DCAF5: variants seen among roughly 807,000 people sequenced by gnomAD.
DCAF5 encodes DDB1 and CUL4 associated factor 5.
DCAF5 carries 9 observed loss-of-function variants against 80.7 expected under a neutral mutation model. The ratio of observed to expected loss-of-function variants is 0.11; its 90% CI spans 0.07 to 0.19. The LOEUF is 0.19. Among genes scored for constraint, DCAF5 ranks in the 10% least tolerant of loss-of-function variants. The pLI, the probability that DCAF5 is intolerant of heterozygous loss-of-function variation, is 1.00. For missense variants in DCAF5, 842 were observed against 1,205.7 expected, an observed-to-expected ratio of 0.70 and a Z score of 4.47; for synonymous variants, 433 against 461.9, an observed-to-expected ratio of 0.94 and a Z score of 0.80.
intron 6 of DCAF5, among the ~76,000 whole-genome samples, chr14:69,080,185 C>T (rs886942665): frequency 3.3e-5 from 5 of 151,936 alleles, no homozygotes; most frequent in African/African-American, 7.3e-5. Context: ...CATTTACTAT[C>T]ATAAGAGCAG....
rs150715754 is a variant in DCAF5 at position 69,118,721 on chromosome 14, A to C, written c.396-443T>G. The stretch of plus-strand genomic sequence containing the variant: ...CATGGCTCTGAGGCCAGATAGCCTA[A>C]GTTCAGGTTTTAGTACCACCTGACC... On this transcript the variant is annotated intron_variant, in intron 3 of 8. Coordinates refer to ENST00000341516, the MANE Select transcript of DCAF5 (RefSeq NM_003861.3). The surrounding 1 kb of genome is among the most constrained non-coding windows in gnomAD (Gnocchi z 4.0). 2.0e-5 allele frequency among the ~76,000 whole-genome samples: 3 copies of C among 152,352 alleles called. No homozygotes were observed. Among genetic ancestry groups the C allele is most frequent in the Non-Finnish European group, 4.4e-5 (3 of 68,038 alleles).
At chr14:69,084,015 C>A (rs1247323246) in intron 6 of DCAF5, 2 of 781,186 alleles carry the variant, frequency 2.6e-6, no homozygotes, top group Non-Finnish European at 4.8e-6. Context: ...TATCAGACCA[C>A]CTCTGGAAGG....
chr14:69,109,507 G>A (rs2040280199), intron 5 of DCAF5, among the ~76,000 whole-genome samples: 1 of 151,994 alleles, frequency 6.6e-6, no homozygotes, highest in East Asian at 1.9e-4. Context: ...TTACCCAGAG[G>A]TAACCACTAT....
intron 1 of DCAF5, among the ~76,000 whole-genome samples, chr14:69,128,527 G>C (rs1426733832): frequency 2.0e-5 from 3 of 151,826 alleles, no homozygotes; most frequent in Non-Finnish European, 4.4e-5. Context: ...GTTCATGATA[G>C]AAAAAGAAAA....
chr14:69,084,561 C>G (rs1387115638), intron 6 of DCAF5: 1 of 759,154 alleles, frequency 1.3e-6, no homozygotes, highest in Non-Finnish European at 2.3e-6. Context: ...AAAGCTAATG[C>G]AACAGTGGAT....
chr14:69,079,122 T>C (rs900139862), intron 6 of DCAF5, among the ~76,000 whole-genome samples: 1 of 152,170 alleles, frequency 6.6e-6, no homozygotes, highest in Non-Finnish European at 1.5e-5. Context: ...AAAAGTAATA[T>C]TTAAGAAGAG....
At position 69,053,574 on chromosome 14, in the gene DCAF5, C is replaced by T; in HGVS notation, c.*283G>A. 2.8e-6 allele frequency: 1 copy of T among 354,760 alleles called. No individual in the cohort carries two copies. The highest frequency in any genetic ancestry group is 5.1e-6 in the Non-Finnish European group (1 of 196,250). The allele number at this position is 354,760 out of a possible 1,614,324, so 22.0% of individuals were successfully genotyped here. ...CGAACGTCTCAACAAAGATTTACTT[C>T]CACAGAGCCTTGCGCGGCACACTAC... On this transcript the variant is annotated 3_prime_UTR_variant, in exon 9 of 9. Transcript: ENST00000341516.
chr14:69,099,117 T>C (rs901635959), intron 5 of DCAF5, among the ~76,000 whole-genome samples: 2 of 151,704 alleles, frequency 1.3e-5, no homozygotes, highest in Non-Finnish European at 2.9e-5. Flanking sequence ...CTGGGCATGG[T>C]GGTCCACACC....
At chr14:69,116,695 C>T (rs1595028646) in intron 4 of DCAF5, among the ~76,000 whole-genome samples, 200 bp from the exon 5 acceptor site, 2 of 152,018 alleles carry the variant, frequency 1.3e-5, no homozygotes, top group East Asian at 3.9e-4. Flanking sequence ...AAGGTAAACA[C>T]ATTTAACCAC....
chr14:69,111,855 C>T lies in DCAF5; in HGVS notation c.665+4511G>A, dbSNP rs2040379715. 3.3e-5 allele frequency among the ~76,000 whole-genome samples: 5 copies of T among 152,296 alleles called. No homozygotes were observed. In the South Asian group the frequency reaches 1.0e-3, roughly 32 times the overall value. ...TCCAGTCACCTACACTCAAGCCTCT[C>T]CTCCCCAGTGACCACTCATCACCAC... On this transcript the variant is annotated intron_variant, in intron 5 of 8. Transcript: ENST00000341516.
At position 69,053,895 on chromosome 14, in the gene DCAF5, A is replaced by C; in HGVS notation, c.2791T>G (p.Ser931Ala). ...RQRIELEDTD[S>A]ENSSSEKKLK... ...TTCTTCTCTGAGGAGGAATTCTCTG[A>C]ATCTGTATCTTCCAATTCAATTCGT... Residue 931 changes from serine (S) to alanine (A), a missense_variant, in exon 9 of 9, where the codon TCA (serine) becomes GCA (alanine). Ser to Ala is a moderately conservative substitution (Grantham distance 99). This residue lies in a region of DCAF5 where 607 missense variants were observed against 656.6 expected (regional missense o/e 0.92). Coordinates refer to ENST00000341516, the MANE Select transcript of DCAF5 (RefSeq NM_003861.3). 1 of 1,610,364 alleles carries C rather than the reference A, an allele frequency of 6.2e-7. No homozygotes were observed. Among genetic ancestry groups the C allele is most frequent in the Non-Finnish European group, 8.5e-7 (1 of 1,179,378 alleles).
chr14:69,097,579 ATTATTT>A (rs1159937303), intron 5 of DCAF5, among the ~76,000 whole-genome samples: 20 of 106,454 alleles, frequency 1.9e-4, no homozygotes, highest in Admixed American at 1.7e-3. Flanking sequence ...TATTATTATT[ATTATTT>A]TTTTTTTTTT....
intron 1 of DCAF5, chr14:69,149,348 C>T (rs2041636162): frequency 6.6e-6 from 1 of 152,184 alleles, no homozygotes; most frequent in Non-Finnish European, 1.5e-5. Flanking sequence ...AAATCAAGTA[C>T]TTTTTCGGTT....
chr14:69,079,092 C>T (rs1288492693), intron 6 of DCAF5, among the ~76,000 whole-genome samples: 1 of 152,092 alleles, frequency 6.6e-6, no homozygotes, highest in Admixed American at 6.5e-5. Context: ...CCCCCCATAC[C>T]ACTGCAAACT....
At chr14:69,063,772 C>A (rs1358675450) in intron 7 of DCAF5, among the ~76,000 whole-genome samples, 1 of 152,174 alleles carries the variant, frequency 6.6e-6, no homozygotes, top group African/African-American at 2.4e-5. Context: ...GGAAGAGATA[C>A]CTCCTTATTG....
At chr14:69,112,101 A>G (rs1381820202) in intron 5 of DCAF5, among the ~76,000 whole-genome samples, 1 of 152,228 alleles carries the variant, frequency 6.6e-6, no homozygotes, top group African/African-American at 2.4e-5. Flanking sequence ...TTTACTTTGT[A>G]ATTTTTCAAA....
At position 69,054,562 on chromosome 14, in the gene DCAF5, C is replaced by G. The variant is rs1449715064; in HGVS notation, c.2124G>C (p.Lys708Asn). ...CCATTGCTATGTTTAGACAGGCTTC[C>G]TTACTGGAAGAAGGGGCTGGGTTGT... The part of the protein sequence containing the change: ...HKDNPAPSSS[K>N]EACLNIAMAQ... The change falls in exon 9 of 9, where the codon AAG (lysine) becomes AAC (asparagine). Residue 708 changes from lysine (K) to asparagine (N), a missense_variant. Lys to Asn is a moderately conservative substitution (Grantham distance 94, BLOSUM62 0). Transcript: ENST00000341516. 1 of 1,614,198 alleles carries G rather than the reference C, an allele frequency of 6.2e-7. No individual in the cohort carries two copies. Among genetic ancestry groups the G allele is most frequent in the East Asian group, 2.2e-5 (1 of 44,888 alleles).
chr14:69,080,331 C>T (rs72718292), intron 6 of DCAF5, among the ~76,000 whole-genome samples: 8,148 of 151,952 alleles, frequency 0.054, 325 homozygotes, highest in Non-Finnish European at 0.084. Flanking sequence ...CAGGTCTAGG[C>T]GGGCCATCTT....
chr14:69,103,139 C>A (rs2040022121), intron 5 of DCAF5, among the ~76,000 whole-genome samples: 1 of 152,172 alleles, frequency 6.6e-6, no homozygotes, highest in Non-Finnish European at 1.5e-5. Context: ...AAATTCTCAA[C>A]ACATACCAAT....
Sources: gnomAD v4.1 joint callset for allele counts (sites outside exome capture counted in the v4.1 genomes callset) on GRCh38, gnomAD v4.1.1 for gene constraint, gnomAD v4.1.1 regional missense constraint, Gnocchi (gnomAD v3.1) non-coding constraint, MANE v1.5 for transcripts, NCBI Gene and HGNC (gene_info 2026-07-23, HGNC 2026-07-21) for gene names.